The following PCTP variants were observed in gnomAD, a reference collection of about 807,000 sequenced individuals.
PCTP encodes the protein phosphatidylcholine transfer protein.
In PCTP, 27 loss-of-function variants were observed where a neutral mutation model predicts 31.0. That is an observed-to-expected ratio of 0.87 (90% CI 0.64 to 1.20). The LOEUF (loss-of-function observed/expected upper bound fraction) is 1.20. PCTP is among the 50% of genes most tolerant of loss of function. PCTP has a pLI of 0.00. For synonymous variants in PCTP, 108 were observed against 101.2 expected (o/e 1.07, Z -0.40); for missense variants, 287 against 268.2 (o/e 1.07, Z -0.49).
chr17:55,791,014 A>G (rs1911949053), intron 3 of PCTP, among the ~76,000 whole-genome samples: 2 of 151,758 alleles, frequency 1.3e-5, no homozygotes, highest in African/African-American at 2.4e-5. Context: ...ATCTACAACT[A>G]TCTGATCTTT....
At chr17:55,848,170 C>A in the PCTP span, among the ~76,000 whole-genome samples, 12 of 152,128 alleles carry the variant, frequency 7.9e-5, no homozygotes, top group Non-Finnish European at 1.3e-4. Flanking sequence ...TCAGCCTCCC[C>A]AGTTGCTGAG....
At chr17:55,775,833 A>G (rs1911298506) in intron 5 of PCTP, 4 of 1,298,002 alleles carry the variant, frequency 3.1e-6, no homozygotes, top group Middle Eastern at 5.4e-4. Flanking sequence ...TTGCAACAGA[A>G]GTTCCTGTTG....
chr17:55,777,290 A>T lies in PCTP; in HGVS notation c.*1190A>T. 1 of 984,854 alleles carries T rather than the reference A, an allele frequency of 1.0e-6. No individual in the cohort carries two copies. Among genetic ancestry groups the T allele is most frequent in the African/African-American group, 1.7e-5 (1 of 57,336 alleles). 61.0% of individuals were successfully genotyped at this position (984,854 alleles called of 1,614,324 possible). A position where few individuals can be genotyped will look rare whatever the true frequency, so the allele number is the denominator to read the frequency against. Reference sequence around the variant, plus strand: ...GATGTAAAGCCACAGAATGGGATTTATTAATGTGGGATACCTCAGACTGTT... The same window carrying T: ...GATGTAAAGCCACAGAATGGGATTTTTTAATGTGGGATACCTCAGACTGTT... On this transcript the variant is annotated 3_prime_UTR_variant, in exon 6 of 6. Coordinates refer to ENST00000268896, the MANE Select transcript of PCTP (RefSeq NM_021213.4).
intron 5 of PCTP, chr17:55,775,756 T>C (rs1911293815): frequency 7.9e-7 from 1 of 1,260,256 alleles, no homozygotes; most frequent in East Asian, 3.2e-5. Flanking sequence ...TGTTTTCTTT[T>C]TTCCAGAAAC....
At chr17:55,769,436 T>G (rs1910859242) in intron 2 of PCTP, 1 of 152,200 alleles carries the variant, frequency 6.6e-6, no homozygotes, top group Non-Finnish European at 1.5e-5. Flanking sequence ...ACTCTGCCAA[T>G]AAGACCCACA....
At chr17:55,834,321 C>A (rs1270081827) in intron 5 of PCTP, among the ~76,000 whole-genome samples, 1 of 152,106 alleles carries the variant, frequency 6.6e-6, no homozygotes, top group Non-Finnish European at 1.5e-5. Context: ...GCCCAGCATG[C>A]ATTACCTACT....
chr17:55,774,887 G>A, intron 5 of PCTP, 28 bp downstream of exon 5: 9 of 542,054 alleles, frequency 1.7e-5, no homozygotes, highest in Non-Finnish European at 2.9e-5. Context: ...GGGGCGGGGG[G>A]AGGGATGGGG....
intron 3 of PCTP, among the ~76,000 whole-genome samples, chr17:55,813,405 G>A (rs932064890): frequency 6.6e-6 from 1 of 152,064 alleles, no homozygotes; most frequent in African/African-American, 2.4e-5. Context: ...CCGAGTAGTT[G>A]GGATTACAGG....
At chr17:55,761,276 A>G (rs998970580) in intron 1 of PCTP, among the ~76,000 whole-genome samples, 5 of 152,142 alleles carry the variant, frequency 3.3e-5, no homozygotes, top group Admixed American at 2.0e-4. Flanking sequence ...AAAAACAATG[A>G]CTAGTATTAT....
chr17:55,827,259 C>T (rs1030841107), downstream of PCTP, among the ~76,000 whole-genome samples: 3 of 152,132 alleles, frequency 2.0e-5, no homozygotes, highest in African/African-American at 7.2e-5. Context: ...ATTTAGAATC[C>T]TGCTCAGCCC....
At chr17:55,847,904 A>G in the PCTP span, among the ~76,000 whole-genome samples, 1 of 151,902 alleles carries the variant, frequency 6.6e-6, no homozygotes, top group East Asian at 1.9e-4. Context: ...ATCCAGAATA[A>G]TGTTTTTTGT....
intron 1 of PCTP, among the ~76,000 whole-genome samples, chr17:55,759,002 C>T (rs1472604187): frequency 6.6e-6 from 1 of 152,184 alleles, no homozygotes; most frequent in African/African-American, 2.4e-5. Context: ...TTTCATTCAG[C>T]CTTGGGAATC....
At chr17:55,761,171 G>A (rs1910321457) in intron 1 of PCTP, among the ~76,000 whole-genome samples, 1 of 152,136 alleles carries the variant, frequency 6.6e-6, no homozygotes, top group Admixed American at 6.5e-5. Flanking sequence ...TGTAAAGGTA[G>A]AGATAACACC....
chr17:55,827,934 C>G (rs1464630845), downstream of PCTP, among the ~76,000 whole-genome samples: 1 of 152,128 alleles, frequency 6.6e-6, no homozygotes, highest in African/African-American at 2.4e-5. Context: ...TTACTCCCAG[C>G]AAAGCAAGCA....
At chr17:55,755,336 G>A (rs992543554) in intron 1 of PCTP, among the ~76,000 whole-genome samples, 3 of 152,154 alleles carry the variant, frequency 2.0e-5, no homozygotes, top group Non-Finnish European at 4.4e-5. Context: ...GTGGCTTCTT[G>A]GGGCTCTTGA....
In PCTP at chr17:55,758,021, A is replaced by G. The variant is rs142684909; in HGVS notation, c.141+6777A>G. Among the ~76,000 whole-genome samples the G allele has an allele frequency of 1.6e-4, 25 of 152,282 alleles. No homozygotes were observed. In the East Asian group the frequency reaches 4.8e-3, roughly 29 times the overall value. ...GAGAAGGGCCATGGGTCACTTAGAA[A>G]AGCTCTTCCAGTGATCTGCAAGTCA... On this transcript the variant is annotated intron_variant, in intron 1 of 5. Transcript: ENST00000268896.
intron 3 of PCTP, among the ~76,000 whole-genome samples, chr17:55,818,102 G>A (rs906418524): frequency 1.1e-4 from 16 of 152,324 alleles, no homozygotes; most frequent in African/African-American, 2.9e-4. Flanking sequence ...CGAATCCAAG[G>A]TTGGGTCTCA....
chr17:55,832,925 G>A (rs1284010972), intron 5 of PCTP, among the ~76,000 whole-genome samples: 2 of 152,142 alleles, frequency 1.3e-5, no homozygotes, highest in Non-Finnish European at 2.9e-5. Context: ...CAGTGTAAAT[G>A]GTTTAAGAGT....
intron 5 of PCTP, among the ~76,000 whole-genome samples, chr17:55,839,975 T>G (rs141197112): frequency 7.0e-6 from 1 of 142,690 alleles, no homozygotes; most frequent in Non-Finnish European, 1.5e-5. Flanking sequence ...CAAGGTGAGA[T>G]CCATTGGAAT....
Sources: gnomAD v4.1 joint callset for allele counts (sites outside exome capture counted in the v4.1 genomes callset) on GRCh38, gnomAD v4.1.1 for gene constraint, MANE v1.5 for transcripts, NCBI Gene and HGNC (gene_info 2026-07-23, HGNC 2026-07-21) for gene names.